Variants in CTNNA3 observed in about 807,000 individuals in gnomAD.
CTNNA3 encodes catenin alpha-3.
In CTNNA3, 76 loss-of-function variants were observed where a neutral mutation model predicts 95.7. That is an observed-to-expected ratio of 0.79 (90% CI 0.66 to 0.96). The LOEUF is 0.96. CTNNA3 is among the 40% of genes least tolerant of loss of function. The pLI, the probability that CTNNA3 is intolerant of heterozygous loss-of-function variation, is 0.00. For synonymous variants in CTNNA3, 431 were observed against 374.4 expected (o/e 1.15, Z -1.74); for missense variants, 1,191 against 1,089.8 (o/e 1.09, Z -1.31).
chr10:65,952,826 G>T (rs1041032278), intron 17 of CTNNA3, among the ~76,000 whole-genome samples: 4 of 152,090 alleles, frequency 2.6e-5, no homozygotes, highest in Non-Finnish European at 1.5e-5. Context: ...CAGTCTTTCT[G>T]ATCTTTCCCC....
intron 2 of CTNNA3, among the ~76,000 whole-genome samples, chr10:67,619,557 T>A (rs1424043754): frequency 6.6e-6 from 1 of 152,210 alleles, no homozygotes; most frequent in South Asian, 2.1e-4. Flanking sequence ...TAAATCCTTT[T>A]GGCTCTCATT....
intron 7 of CTNNA3, among the ~76,000 whole-genome samples, chr10:66,946,587 G>C (rs1564786812): frequency 2.0e-5 from 3 of 152,040 alleles, no homozygotes; most frequent in African/African-American, 7.2e-5. Flanking sequence ...ACCTGTAACA[G>C]CATAGGGTAG....
intron 11 of CTNNA3, among the ~76,000 whole-genome samples, chr10:66,389,190 TCATTTGG>T (rs1255377590): frequency 6.6e-6 from 1 of 151,454 alleles, no homozygotes; most frequent in African/African-American, 2.4e-5. Context: ...ACAGCAAAAG[TCATTTGG>T]TTCTCTCCTC....
At chr10:67,566,358 A>G (rs1399151002) in intron 3 of CTNNA3, among the ~76,000 whole-genome samples, 3 of 151,240 alleles carry the variant, frequency 2.0e-5, no homozygotes, top group Admixed American at 1.3e-4. Context: ...AAAAGTGGGC[A>G]AAGGACATGA....
At chr10:67,482,203 T>C (rs2133055856) in intron 5 of CTNNA3, among the ~76,000 whole-genome samples, 1 of 151,336 alleles carries the variant, frequency 6.6e-6, no homozygotes, top group South Asian at 2.1e-4. Context: ...GCTTTGTTCT[T>C]TTGGCTTAGG....
rs537093559 is a variant in CTNNA3 at position 67,166,196 on chromosome 10, C to A, written c.1047+14121G>T. 2.0e-5 allele frequency among the ~76,000 whole-genome samples: 3 copies of A among 152,290 alleles called. No individual in the cohort carries two copies. In the East Asian group the frequency reaches 5.8e-4, roughly 29 times the overall value. ...TCTAATTTAATACTGCTAAAGAGGG[C>A]AGGTGATCATAACGCACATTTTAGA... is the stretch of plus-strand genomic sequence containing the variant. On this transcript the variant is annotated intron_variant, in intron 7 of 17. Transcript: ENST00000433211.
chr10:66,217,277 C>T (rs1037077171), intron 13 of CTNNA3, among the ~76,000 whole-genome samples: 1 of 149,820 alleles, frequency 6.7e-6, no homozygotes, highest in African/African-American at 2.5e-5. Context: ...TGCTTGAACC[C>T]GAGAGGCAGA....
intron 9 of CTNNA3, among the ~76,000 whole-genome samples, chr10:66,703,711 C>A (rs1189744730): frequency 6.6e-6 from 1 of 152,160 alleles, no homozygotes; most frequent in East Asian, 1.9e-4. Flanking sequence ...ATGCCTGCTG[C>A]ATTAGCACAT....
intron 6 of CTNNA3, among the ~76,000 whole-genome samples, chr10:67,210,333 A>G (rs1864089384): frequency 6.6e-6 from 1 of 152,120 alleles, no homozygotes; most frequent in Admixed American, 6.6e-5. Flanking sequence ...TAAAAGCAGA[A>G]TCTAGTAAAT....
intron 13 of CTNNA3, among the ~76,000 whole-genome samples, chr10:66,139,282 C>T (rs373614035): frequency 3.9e-5 from 6 of 152,270 alleles, no homozygotes; most frequent in African/African-American, 1.4e-4. Context: ...ACAATATGTT[C>T]TTCCCACCCA....
intron 5 of CTNNA3, among the ~76,000 whole-genome samples, chr10:67,483,795 A>G (rs963462530): frequency 3.3e-5 from 5 of 151,418 alleles, no homozygotes; most frequent in African/African-American, 1.2e-4. Context: ...AAACAAAAAA[A>G]AAACAAAACA....
chr10:66,270,749 T>G (rs2091262633), intron 13 of CTNNA3, among the ~76,000 whole-genome samples: 1 of 152,082 alleles, frequency 6.6e-6, no homozygotes, highest in Non-Finnish European at 1.5e-5. Context: ...GAAGCTGACC[T>G]GAAGAGGCCT....
intron 11 of CTNNA3, among the ~76,000 whole-genome samples, chr10:66,447,826 G>T (rs1193306124): frequency 6.6e-6 from 1 of 151,924 alleles, no homozygotes; most frequent in Admixed American, 6.6e-5. Context: ...ATTGACAAAT[G>T]GGGTCTAATT....
chr10:66,963,663 A>G (rs1849244249), intron 7 of CTNNA3, among the ~76,000 whole-genome samples: 1 of 152,018 alleles, frequency 6.6e-6, no homozygotes, highest in African/African-American at 2.4e-5. Flanking sequence ...AGGGTAAGGT[A>G]TAGAGGGCAT....
intron 5 of CTNNA3, 149 bp downstream of exon 5, chr10:67,521,693 T>C (rs2133158739): frequency 2.1e-6 from 2 of 941,590 alleles, no homozygotes; most frequent in East Asian, 5.1e-5. Context: ...GGAAGCCATA[T>C]GAACACAGCA....
chr10:66,900,112 T>C (rs537009019), intron 7 of CTNNA3, among the ~76,000 whole-genome samples: 49 of 152,022 alleles, frequency 3.2e-4, no homozygotes, highest in Non-Finnish European at 6.5e-4. Flanking sequence ...GACAGACAAC[T>C]CATGCAAGTG....
intron 9 of CTNNA3, among the ~76,000 whole-genome samples, chr10:66,719,185 T>C (rs1017741042): frequency 6.6e-6 from 1 of 152,204 alleles, no homozygotes; most frequent in African/African-American, 2.4e-5. Flanking sequence ...ATTTTTATCG[T>C]TTTCTTGTGG....
rs10565151 is a variant in CTNNA3, at chr10:66,659,181, AACACACAC to A, written c.1282-37405_1282-37398del. On this transcript the variant is annotated intron_variant, in intron 9 of 17. Transcript: ENST00000433211. ...TAGGGAGACAAAAAATAATTAAGAA[AACACACAC>A]ACACACACACACACACACACACACA... 9.2e-3 allele frequency among the ~76,000 whole-genome samples: 1,341 copies of A among 145,660 alleles called. 23 individuals carry two copies. Among genetic ancestry groups the A allele is most frequent in the African/African-American group, 0.032 (1,255 of 39,600 alleles).
intron 9 of CTNNA3, among the ~76,000 whole-genome samples, chr10:66,664,091 T>C (rs1564603887): frequency 6.6e-6 from 1 of 152,014 alleles, no homozygotes; most frequent in Non-Finnish European, 1.5e-5. Context: ...GTACTAATTT[T>C]ATATTTTATA....
Sources: allele counts gnomAD v4.1 joint callset (sites outside exome capture counted in the v4.1 genomes callset), GRCh38; gene constraint gnomAD v4.1.1; transcripts MANE v1.5; gene names NCBI Gene and HGNC (gene_info 2026-07-23, HGNC 2026-07-21).